AURKA: variants seen among roughly 807,000 people sequenced by gnomAD.
AURKA encodes the protein aurora 2.
In AURKA, 12 loss-of-function variants were observed where a neutral mutation model predicts 40.9. The ratio of observed to expected loss-of-function variants is 0.29; its 90% CI spans 0.19 to 0.48. The LOEUF (loss-of-function observed/expected upper bound fraction) is 0.48, where lower values mean the gene tolerates loss of function less well. AURKA is among the 20% of genes least tolerant of loss of function. The pLI, the probability that AURKA is intolerant of heterozygous loss-of-function variation, is 0.99. For synonymous variants in AURKA, 170 were observed against 164.3 expected, an observed-to-expected ratio of 1.03 and a Z score of -0.26; for missense variants, 322 against 462.1, an observed-to-expected ratio of 0.70 and a Z score of 2.78.
rs1428854860 is a variant in AURKA at position 56,369,869 on chromosome 20, A to G, written c.*289T>C. ...TGGATTTGCCTCCTGTGAAGACACC[A>G]TGCCTAGCACAGGCTGACGGGGCGG... is the stretch of plus-strand genomic sequence containing the variant. On this transcript the variant is annotated 3_prime_UTR_variant, in exon 9 of 9. Transcript: ENST00000395915. The G allele has an allele frequency of 1.6e-5, 8 of 508,092 alleles. No homozygotes were observed. The highest frequency in any genetic ancestry group is 2.9e-5 in the Non-Finnish European group (8 of 279,376). 31.5% of individuals were successfully genotyped at this position (508,092 alleles called of 1,614,324 possible). A position where few individuals can be genotyped will look rare whatever the true frequency, so the allele number is the denominator to read the frequency against.
At chr20:56,391,673 C>T (rs1027620664) in intron 1 of AURKA, among the ~76,000 whole-genome samples, 1 of 152,178 alleles carries the variant, frequency 6.6e-6, no homozygotes, top group African/African-American at 2.4e-5. Flanking sequence ...TTCACCCACT[C>T]ATCCAGCCAG....
chr20:56,373,314 C>G lies in AURKA; in HGVS notation c.854+94G>C. 6.3e-7 allele frequency: 1 copy of G among 1,588,520 alleles called. No individual in the cohort carries two copies. Among genetic ancestry groups the G allele is most frequent in the Non-Finnish European group, 8.6e-7 (1 of 1,160,154 alleles). Reference sequence around the variant, plus strand: ...GGTTAGCCACCTACCCCTCTTACAGCACAAAATCTACACTGAAATATTTTA... The same window carrying G: ...GGTTAGCCACCTACCCCTCTTACAGGACAAAATCTACACTGAAATATTTTA... On this transcript the variant is annotated intron_variant, in intron 7 of 8. Transcript: ENST00000395915. The surrounding 1 kb of genome is among the most constrained non-coding windows in gnomAD (Gnocchi z 5.0).
At chr20:56,380,180 C>T (rs1470206999) in intron 6 of AURKA, among the ~76,000 whole-genome samples, 1 of 151,322 alleles carries the variant, frequency 6.6e-6, no homozygotes, top group East Asian at 1.9e-4. Flanking sequence ...TATGGTGAAA[C>T]CCCGTCTCTA....
chr20:56,383,612 C>A (rs2146193175), intron 4 of AURKA, among the ~76,000 whole-genome samples: 1 of 152,344 alleles, frequency 6.6e-6, no homozygotes, highest in South Asian at 2.1e-4. Context: ...GGTGGAGAAC[C>A]ACTCTGGTGG....
intron 6 of AURKA, among the ~76,000 whole-genome samples, chr20:56,380,133 G>A (rs1281365984): frequency 2.0e-5 from 3 of 151,392 alleles, no homozygotes; most frequent in African/African-American, 4.9e-5. Context: ...GAGGTGGGTG[G>A]ATCACAAGGT....
chr20:56,376,724 G>C (rs1258736219), intron 6 of AURKA, among the ~76,000 whole-genome samples: 4 of 152,016 alleles, frequency 2.6e-5, no homozygotes, highest in Non-Finnish European at 5.9e-5. Flanking sequence ...ACATAAAAAA[G>C]GAGAAGCAAA....
intron 5 of AURKA, among the ~76,000 whole-genome samples, chr20:56,382,273 AGCAGACTGGGCAGGT>A (rs1985815598): frequency 6.6e-6 from 1 of 152,146 alleles, no homozygotes; most frequent in Non-Finnish European, 1.5e-5. Flanking sequence ...ATGGGTGCTG[AGCAGACTGGGCAGGT>A]GCAGACTGTG....
chr20:56,370,477 C>T lies in AURKA; in HGVS notation c.1029+8G>A, dbSNP rs778060524. On this transcript the variant is annotated splice_region_variant and intron_variant, in intron 8 of 8. Coordinates refer to ENST00000395915, the MANE Select transcript of AURKA (RefSeq NM_198437.3). Reference sequence around the variant, plus strand: ...AGATGTGCTGGGTCCTTTTCAGTTGCGTCTTACCCGTGATATTCTTTTGTA... The same window carrying T: ...AGATGTGCTGGGTCCTTTTCAGTTGTGTCTTACCCGTGATATTCTTTTGTA... 154 of 1,614,024 alleles carry T rather than the reference C, an allele frequency of 9.5e-5. No homozygotes were observed. Among genetic ancestry groups the T allele is most frequent in the Non-Finnish European group, 1.1e-4 (124 of 1,180,032 alleles).
intron 1 of AURKA, 169 bp downstream of exon 1, chr20:56,391,999 C>A (rs1437877586): frequency 6.6e-6 from 1 of 151,164 alleles, no homozygotes; most frequent in Admixed American, 6.6e-5. Flanking sequence ...TGCCCAGGAG[C>A]GGATGCAAAG....
rs1029125648 is a variant in AURKA at position 56,369,394 on chromosome 20, T to C, written c.*764A>G. The C allele has an allele frequency of 8.8e-6, 2 of 227,704 alleles. No homozygotes were observed. Among genetic ancestry groups the C allele is most frequent in the Non-Finnish European group, 8.7e-6 (1 of 114,852 alleles). The allele number at this position is 227,704 out of a possible 1,614,324, so 14.1% of individuals were successfully genotyped here. A position where few individuals can be genotyped will look rare whatever the true frequency, so the allele number is the denominator to read the frequency against. On this transcript the variant is annotated 3_prime_UTR_variant, in exon 9 of 9. Transcript: ENST00000395915. ...AATTACACAGCACTCCACACAGACA[T>C]AGATACTTATTTATTTGCATATTTA...
In AURKA at chr20:56,370,089, C is replaced by T. The variant is rs34189236; in HGVS notation, c.*69G>A. 26,151 of 1,577,370 alleles carry T rather than the reference C, an allele frequency of 0.017. 272 individuals carry two copies. The highest frequency in any genetic ancestry group is 0.025 in the Middle Eastern group (109 of 4,372). The stretch of plus-strand genomic sequence containing the variant: ...GGGCAGCAGTCAATGGTAAAATAAA[C>T]TTCAGTAGCATGTTCCTGTCAGGTT... On this transcript the variant is annotated 3_prime_UTR_variant, in exon 9 of 9. Transcript: ENST00000395915.
rs1983901840 is a variant in AURKA at position 56,370,066 on chromosome 20, GC to G, written c.*91del. On this transcript the variant is annotated 3_prime_UTR_variant, in exon 9 of 9. Coordinates refer to ENST00000395915, the MANE Select transcript of AURKA (RefSeq NM_198437.3). ...TCTTGTGTAGCGTTCTAGATTGAGG[GC>G]AGCAGTCAATGGTAAAATAAACTTC... The G allele has an allele frequency of 6.8e-7, 1 of 1,469,358 alleles. No individual in the cohort carries two copies. The highest frequency in any genetic ancestry group is 1.7e-5 in the Admixed American group (1 of 59,828). The allele number at this position is 1,469,358 out of a possible 1,614,324, so 91.0% of individuals were successfully genotyped here. A position where few individuals can be genotyped will look rare whatever the true frequency, so the allele number is the denominator to read the frequency against.
At chr20:56,370,682 G>A (rs1569036633) in intron 7 of AURKA, 23 bp from the exon 8 acceptor site, 1 of 1,613,862 alleles carries the variant, frequency 6.2e-7, no homozygotes, top group South Asian at 1.1e-5. Flanking sequence ...GGAGGCTCAG[G>A]TTGATGTGCT....
intron 1 of AURKA, among the ~76,000 whole-genome samples, chr20:56,390,985 TGAATAACAAGCAGAATG>T (rs1987032050): frequency 6.6e-6 from 1 of 152,064 alleles, no homozygotes; most frequent in African/African-American, 2.4e-5. Context: ...CTAGGGAAAT[TGAATAACAAGCAGAATG>T]GAATAAGATT....
At chr20:56,382,733 AG>A (rs1360507540) in intron 5 of AURKA, among the ~76,000 whole-genome samples, 4 of 150,204 alleles carry the variant, frequency 2.7e-5, no homozygotes, top group Admixed American at 2.7e-4. Context: ...AAAAAAAAAA[AG>A]GAATACAATT....
Position 56,370,080 on chromosome 20 carries a change from T to C in AURKA, c.*78A>G. 2 of 1,553,462 alleles carry C rather than the reference T, an allele frequency of 1.3e-6. No individual in the cohort carries two copies. Among genetic ancestry groups the C allele is most frequent in the Non-Finnish European group, 1.8e-6 (2 of 1,127,366 alleles). On this transcript the variant is annotated 3_prime_UTR_variant, in exon 9 of 9. Coordinates refer to ENST00000395915, the MANE Select transcript of AURKA (RefSeq NM_198437.3). ...CTAGATTGAGGGCAGCAGTCAATGGTAAAATAAACTTCAGTAGCATGTTCC... is the reference window on the plus strand; with the variant it reads ...CTAGATTGAGGGCAGCAGTCAATGGCAAAATAAACTTCAGTAGCATGTTCC...
Position 56,386,506 on chromosome 20 carries a change from G to A in AURKA, c.70C>T (p.Arg24Cys), listed in dbSNP as rs188825988. The A allele has an allele frequency of 3.9e-5, 63 of 1,614,180 alleles. No individual in the cohort carries two copies. The highest frequency in any genetic ancestry group is 2.5e-4 in the East Asian group (11 of 44,894). ...GGAAATTGCTGAGTCACGAGAACACGTTTTGGACCTCCAACTGGAGCTGTA... is the reference window on the plus strand; with the variant it reads ...GGAAATTGCTGAGTCACGAGAACACATTTTGGACCTCCAACTGGAGCTGTA... ...KATAPVGGPK[R>C]VLVTQQFPCQ... is the part of the protein sequence containing the mutation. The change falls in exon 3 of 9, where the codon CGT (arginine) becomes TGT (cysteine). Residue 24 changes from arginine (R) to cysteine (C), a missense_variant. By Grantham distance (180) the Arg-to-Cys change is radical. Coordinates refer to ENST00000395915, the MANE Select transcript of AURKA (RefSeq NM_198437.3).
intron 3 of AURKA, among the ~76,000 whole-genome samples, 183 bp downstream of exon 3, chr20:56,386,074 T>C (rs1232592143): frequency 6.6e-6 from 1 of 152,218 alleles, no homozygotes; most frequent in African/African-American, 2.4e-5. Flanking sequence ...CAGGTCTGTA[T>C]TTTTAGCATA....
chr20:56,373,781 T>G lies in AURKA; in HGVS notation c.706-225A>C, dbSNP rs1600678940. Among the ~76,000 whole-genome samples the G allele has an allele frequency of 6.6e-6, 1 of 152,086 alleles. No individual in the cohort carries two copies. The highest frequency in any genetic ancestry group is 2.4e-5 in the African/African-American group (1 of 41,474). On this transcript the variant is annotated intron_variant, in intron 6 of 8. Coordinates refer to ENST00000395915, the MANE Select transcript of AURKA (RefSeq NM_198437.3). This position sits in a 1 kb window ranked among gnomAD's most constrained non-coding sequence, Gnocchi z 5.0. The stretch of plus-strand genomic sequence containing the variant: ...GCCTGGGAAACATAGCAAGACTCCA[T>G]CTCTACAAAAATTTAAAAATTAGCT...
Sources: allele counts gnomAD v4.1 joint callset (sites outside exome capture counted in the v4.1 genomes callset), GRCh38; gene constraint gnomAD v4.1.1; non-coding constraint Gnocchi (gnomAD v3.1); transcripts MANE v1.5; gene names NCBI Gene and HGNC (gene_info 2026-07-23, HGNC 2026-07-21).